The following ABCA1 variants were observed in gnomAD, a reference collection of about 807,000 sequenced individuals.
ABCA1 encodes the protein ATP binding cassette subfamily A member 1.
A neutral mutation model predicts 262.5 loss-of-function variants in ABCA1; 133 were observed. The observed-to-expected ratio is 0.51, with a 90% CI of 0.44 to 0.59. The LOEUF (loss-of-function observed/expected upper bound fraction) is 0.59. Ranked by LOEUF, ABCA1 falls within the 20% of genes least tolerant of loss-of-function variation. The probability of loss-of-function intolerance (pLI) is 0.00; values close to 1 mark genes in which losing one functional copy is unlikely to be tolerated. For synonymous variants in ABCA1, 1,022 were observed against 1,043.5 expected (o/e 0.98, Z 0.40); for missense variants, 2,452 against 2,777.5 (o/e 0.88, Z 2.63).
intron 42 of ABCA1, among the ~76,000 whole-genome samples, chr9:104,792,322 G>A (rs1004882814): frequency 6.6e-6 from 1 of 152,088 alleles, no homozygotes; most frequent in African/African-American, 2.4e-5. Context: ...AAATTCCACA[G>A]AGTAGAAATT....
chr9:104,800,461 A>G, intron 35 of ABCA1, 49 bp downstream of exon 35: 1 of 1,546,270 alleles, frequency 6.5e-7, no homozygotes, highest in Non-Finnish European at 8.9e-7. Flanking sequence ...CAGGAAACAT[A>G]AGGATTATTG....
At chr9:104,798,303 T>G (rs1830066666) in intron 37 of ABCA1, 118 bp downstream of exon 37, 1 of 1,244,952 alleles carries the variant, frequency 8.0e-7, no homozygotes, top group South Asian at 1.3e-5. Flanking sequence ...TTCTTTTTCA[T>G]ACATCTTTAG....
intron 49 of ABCA1, among the ~76,000 whole-genome samples, chr9:104,784,949 C>T (rs11789818): frequency 0.25 from 38,748 of 152,100 alleles, 5,089 homozygotes; most frequent in East Asian, 0.33. Context: ...CGGCCAAAAA[C>T]TGACTTTCTA....
intron 30 of ABCA1, 31 bp from the exon 31 acceptor site, chr9:104,806,461 ACCAGAGATGGC>A (rs1830775516): frequency 6.2e-7 from 1 of 1,612,152 alleles, no homozygotes; most frequent in African/African-American, 1.3e-5. Flanking sequence ...GAGTAGGATT[ACCAGAGATGGC>A]CTGGCCTTTC....
At position 104,796,137 on chromosome 9, in the gene ABCA1, G is replaced by C. The variant is rs546814147; in HGVS notation, c.5298C>G (p.Ala1766=). The change falls in exon 39 of 50, where the codon GCC becomes GCG. Residue 1766 remains alanine, a synonymous_variant. Coordinates refer to ENST00000374736, the MANE Select transcript of ABCA1 (RefSeq NM_005502.4). The part of the protein sequence containing the change: ...ASFVFKIPST[A]YVVLTSVNLF... ...GGTTCACGCTGGTGAGCACCACATA[G>C]GCTGTGCTGGGGATCTTGAACACAA... 6.2e-7 allele frequency: 1 copy of C among 1,614,028 alleles called. No individual in the cohort carries two copies. The highest frequency in any genetic ancestry group is 1.1e-5 in the South Asian group (1 of 91,086).
At chr9:104,810,708 G>A (rs375423181) in intron 29 of ABCA1, 92 bp downstream of exon 29, 261 of 1,590,116 alleles carry the variant, frequency 1.6e-4, no homozygotes, top group East Asian at 1.2e-3. Context: ...TCATTCCACC[G>A]TGTAATTCTG....
chr9:104,902,679 GA>G (rs907934128), intron 2 of ABCA1, among the ~76,000 whole-genome samples: 4 of 152,070 alleles, frequency 2.6e-5, no homozygotes, highest in African/African-American at 9.7e-5. Context: ...TGAACAAAAG[GA>G]TGCTTTGACA....
At chr9:104,805,272 G>A (rs866304732) in intron 31 of ABCA1, among the ~76,000 whole-genome samples, 1 of 151,974 alleles carries the variant, frequency 6.6e-6, no homozygotes, top group Non-Finnish European at 1.5e-5. Flanking sequence ...ACAGGGTTTC[G>A]CCACATTGGC....
At chr9:104,893,771 C>T (rs1839975419) in intron 2 of ABCA1, among the ~76,000 whole-genome samples, 1 of 152,168 alleles carries the variant, frequency 6.6e-6, no homozygotes, top group Non-Finnish European at 1.5e-5. Flanking sequence ...TTCTACCCAA[C>T]TCAGGAGGCC....
intron 8 of ABCA1, among the ~76,000 whole-genome samples, chr9:104,841,246 G>C (rs1463796766): frequency 6.6e-6 from 1 of 151,992 alleles, no homozygotes; most frequent in East Asian, 1.9e-4. Context: ...GACCAGCCTG[G>C]CCAACATGGT....
intron 5 of ABCA1, among the ~76,000 whole-genome samples, chr9:104,862,197 G>A (rs1490296019): frequency 2.6e-5 from 4 of 151,924 alleles, no homozygotes; most frequent in African/African-American, 7.2e-5. Context: ...CCCGCCTCCC[G>A]GGTTCAAGAG....
intron 30 of ABCA1, 127 bp downstream of exon 30, chr9:104,809,339 A>G (rs936480373): frequency 2.0e-5 from 19 of 954,620 alleles, no homozygotes; most frequent in Middle Eastern, 2.2e-4. Context: ...TAAATAAAAC[A>G]TAATAATAAT....
At position 104,782,072 on chromosome 9, in the gene ABCA1, C is replaced by A. The variant is rs937477753; in HGVS notation, c.*2243G>T. 6.6e-6 allele frequency: 1 copy of A among 151,906 alleles called. No individual in the cohort carries two copies. Among genetic ancestry groups the A allele is most frequent in the Non-Finnish European group, 1.5e-5 (1 of 67,932 alleles). 9.4% of individuals were successfully genotyped at this position (151,906 alleles called of 1,614,324 possible). ...AAATATGGCCTTGAAATCAGAGGAA[C>A]CGAAGTAAGGAGTTGCTCATAGATT... On this transcript the variant is annotated 3_prime_UTR_variant, in exon 50 of 50. Coordinates refer to ENST00000374736, the MANE Select transcript of ABCA1 (RefSeq NM_005502.4).
At chr9:104,835,820 A>G (rs1183328335) in intron 11 of ABCA1, among the ~76,000 whole-genome samples, 3 of 152,208 alleles carry the variant, frequency 2.0e-5, no homozygotes, top group African/African-American at 7.2e-5. Context: ...GAAGAATTGA[A>G]GCACCTAAGG....
rs772294421 is a variant in ABCA1 at position 104,861,722 on chromosome 9, G to A, written c.500C>T (p.Ser167Phe). Residue 167 changes from serine (S) to phenylalanine (F), a missense_variant, in exon 6 of 50, where the codon TCT becomes TTT. This residue lies in a region of ABCA1 where 1,032 missense variants were observed against 1,089.7 expected (regional missense o/e 0.95). Transcript: ENST00000374736. ...AGCCCTCAGCATCTTGTCCACAGTA[G>A]ACTTTGGGAGAGAGAGGTTGTGATA... is the stretch of plus-strand genomic sequence containing the variant. ...FLYHNLSLPK[S>F]TVDKMLRADV... is the part of the protein sequence containing the mutation. 3.7e-6 allele frequency: 6 copies of A among 1,613,972 alleles called. No individual in the cohort carries two copies. In the South Asian group the frequency reaches 6.6e-5, roughly 18 times the overall value.
chr9:104,796,946 C>A (rs1186434258), intron 37 of ABCA1, among the ~76,000 whole-genome samples: 1 of 152,174 alleles, frequency 6.6e-6, no homozygotes. Flanking sequence ...AAAGACTTGA[C>A]GATAGGACAA....
At chr9:104,857,580 T>C (rs1055860336) in intron 7 of ABCA1, among the ~76,000 whole-genome samples, 1 of 152,180 alleles carries the variant, frequency 6.6e-6, no homozygotes, top group Non-Finnish European at 1.5e-5. Context: ...TCCTGAAGTG[T>C]GTTTCTAAGG....
intron 3 of ABCA1, among the ~76,000 whole-genome samples, chr9:104,885,637 T>C (rs1367840223): frequency 6.6e-6 from 1 of 152,192 alleles, no homozygotes; most frequent in African/African-American, 2.4e-5. Context: ...ACCAAAAGGA[T>C]GATGGGACAT....
At position 104,817,107 on chromosome 9, in the gene ABCA1, TG is replaced by T; in HGVS notation, c.3535+224del. The stretch of plus-strand genomic sequence containing the variant: ...CCAAACCCCAATCATCTCAGCTCTC[TG>T]GGACACTGCCCTGCTAGCTCCCAAA... On this transcript the variant is annotated intron_variant, in intron 24 of 49. Transcript: ENST00000374736. The surrounding 1 kb of genome is among the most constrained non-coding windows in gnomAD (Gnocchi z 4.7). 1.6e-6 allele frequency: 1 copy of T among 644,718 alleles called. No individual in the cohort carries two copies. Among genetic ancestry groups the T allele is most frequent in the Non-Finnish European group, 1.9e-6 (1 of 518,892 alleles). 39.9% of individuals were successfully genotyped at this position (644,718 alleles called of 1,614,324 possible).
Sources: allele counts gnomAD v4.1 joint callset (sites outside exome capture counted in the v4.1 genomes callset), GRCh38; gene constraint gnomAD v4.1.1; regional missense constraint gnomAD v4.1.1; non-coding constraint Gnocchi (gnomAD v3.1); transcripts MANE v1.5; gene names NCBI Gene and HGNC (gene_info 2026-07-23, HGNC 2026-07-21).